Variants in LIN54 observed in about 807,000 individuals in gnomAD.
The protein encoded by LIN54 is protein lin-54 homolog.
In LIN54, 9 loss-of-function variants were observed where a neutral mutation model predicts 78.7. The observed-to-expected ratio is 0.11, with a 90% confidence interval of 0.07 to 0.20. LIN54 has a LOEUF of 0.20. Among genes scored for constraint, LIN54 ranks in the 10% least tolerant of loss-of-function variants. The pLI, the probability that LIN54 is intolerant of heterozygous loss-of-function variation, is 1.00. For missense variants in LIN54, 573 were observed against 889.9 expected, an observed-to-expected ratio of 0.64 and a Z score of 4.53; for synonymous variants, 269 against 318.4, an observed-to-expected ratio of 0.84 and a Z score of 1.65.
chr4:82,964,134 T>C (rs1217136707), intron 4 of LIN54, among the ~76,000 whole-genome samples: 2 of 151,368 alleles, frequency 1.3e-5, no homozygotes, highest in Admixed American at 6.6e-5. Context: ...CACTGCAACC[T>C]CCACCTCCCA....
rs35020887 is a variant in LIN54, at chr4:82,943,861, ATTT to A, written c.1168+2394_1168+2396del. Among the ~76,000 whole-genome samples, 613 of 128,332 alleles carry A rather than the reference ATTT, an allele frequency of 4.8e-3. 3 individuals are homozygous for A. Among genetic ancestry groups the A allele is most frequent in the African/African-American group, 0.02 (562 of 27,772 alleles). 84.2% of individuals were successfully genotyped at this position (128,332 alleles called of 152,430 possible). A position where few individuals can be genotyped will look rare whatever the true frequency, so the allele number is the denominator to read the frequency against. On this transcript the variant is annotated intron_variant, in intron 5 of 12. Coordinates refer to ENST00000340417, the MANE Select transcript of LIN54 (RefSeq NM_194282.4). ...GAAAAGAAGGCACCAGTCAATACTG[ATTT>A]TTTTTTTTTTTTTTTTTTTTTTGAG...
chr4:82,995,553 T>C (rs1728139768), intron 1 of LIN54, among the ~76,000 whole-genome samples: 1 of 139,496 alleles, frequency 7.2e-6, no homozygotes, highest in Admixed American at 8.0e-5. Context: ...TGGAGTGTAG[T>C]GGCACAATCT....
chr4:82,961,482 A>G (rs974085600), intron 4 of LIN54, among the ~76,000 whole-genome samples: 1 of 152,202 alleles, frequency 6.6e-6, no homozygotes, highest in Admixed American at 6.5e-5. Context: ...ATTACCTACC[A>G]TAGGCCAGAC....
At chr4:82,994,813 T>C (rs1728056111) in intron 1 of LIN54, among the ~76,000 whole-genome samples, 1 of 152,112 alleles carries the variant, frequency 6.6e-6, no homozygotes. Flanking sequence ...TTTTAGGGTG[T>C]TAAAATCCCC....
chr4:82,995,776 G>C (rs1728164179), intron 1 of LIN54, among the ~76,000 whole-genome samples: 1 of 151,858 alleles, frequency 6.6e-6, no homozygotes, highest in Admixed American at 6.6e-5. Flanking sequence ...TGGGATTACA[G>C]GCGTCAGCCT....
At chr4:82,995,759 A>T (rs544727798) in intron 1 of LIN54, among the ~76,000 whole-genome samples, 1 of 151,656 alleles carries the variant, frequency 6.6e-6, no homozygotes, top group East Asian at 1.9e-4. Flanking sequence ...TCGGTCTCCC[A>T]AAGTGCTGGG....
intron 5 of LIN54, among the ~76,000 whole-genome samples, chr4:82,944,153 G>A (rs1337191879): frequency 6.6e-6 from 1 of 152,074 alleles, no homozygotes; most frequent in East Asian, 1.9e-4. Flanking sequence ...TTACAGGTGT[G>A]CACCACCATG....
rs540971715 is a variant in LIN54 at position 82,970,454 on chromosome 4, T to C, written c.824A>G (p.Gln275Arg). 2.5e-6 allele frequency: 4 copies of C among 1,610,036 alleles called. No individual in the cohort carries two copies. The African/African-American group carries it at 5.3e-5, about 22-fold the overall frequency. ...PPVIAGRVLS[Q>R]STPGTPSKTI... ...CTTTGATGGAGTTCCGGGAGTAGACTGTGAAAGAACCCTACCTGCAAATGA... is the reference window on the plus strand; with the variant it reads ...CTTTGATGGAGTTCCGGGAGTAGACCGTGAAAGAACCCTACCTGCAAATGA... Residue 275 changes from glutamine to arginine, a missense_variant, in exon 4 of 13, where the codon CAG becomes CGG. Coordinates refer to ENST00000340417, the MANE Select transcript of LIN54 (RefSeq NM_194282.4).
rs954443742 is a variant in LIN54, at chr4:82,925,565, T to C, written c.*2537A>G. ...CATATTCTCATTTCAAAGCAATTTATGTTAGTAATAACTGAGCAAAATGAT... is the reference window on the plus strand; with the variant it reads ...CATATTCTCATTTCAAAGCAATTTACGTTAGTAATAACTGAGCAAAATGAT... On this transcript the variant is annotated 3_prime_UTR_variant, in exon 13 of 13. Transcript: ENST00000340417. 4.6e-5 allele frequency: 7 copies of C among 152,680 alleles called. No homozygotes were observed. The highest frequency in any genetic ancestry group is 8.8e-5 in the Non-Finnish European group (6 of 68,042). 9.5% of individuals were successfully genotyped at this position (152,680 alleles called of 1,614,324 possible). A position where few individuals can be genotyped will look rare whatever the true frequency, so the allele number is the denominator to read the frequency against.
chr4:82,947,216 T>TAC (rs1345998264), intron 4 of LIN54, among the ~76,000 whole-genome samples: 279 of 9,774 alleles, frequency 0.029, 1 homozygote, highest in African/African-American at 0.076. Context: ...TTTATATATA[T>TAC]ATATATATAT....
At chr4:83,009,808 G>C (rs1294364872) in intron 1 of LIN54, among the ~76,000 whole-genome samples, 1 of 152,126 alleles carries the variant, frequency 6.6e-6, no homozygotes, top group African/African-American at 2.4e-5. Flanking sequence ...AGAGCTCCTA[G>C]AGCTGTATTT....
chr4:83,011,959 A>G (rs72927141), upstream of LIN54: 1 of 895,214 alleles, frequency 1.1e-6, no homozygotes, highest in Non-Finnish European at 1.3e-6. Flanking sequence ...CTACTGTCTA[A>G]GTTAGTGTAG....
At chr4:82,946,102 C>T (rs1312537822) in intron 5 of LIN54, among the ~76,000 whole-genome samples, 156 bp downstream of exon 5, 1 of 152,184 alleles carries the variant, frequency 6.6e-6, no homozygotes, top group South Asian at 2.1e-4. Flanking sequence ...TACAGTTATG[C>T]GCAACTATCA....
intron 4 of LIN54, among the ~76,000 whole-genome samples, chr4:82,962,594 G>A (rs1338159479): frequency 4.0e-5 from 6 of 151,640 alleles, no homozygotes; most frequent in Non-Finnish European, 4.4e-5. Context: ...CAGAGAGATG[G>A]GAACTCTAAG....
chr4:82,947,206 T>A (rs1340615105), intron 4 of LIN54, among the ~76,000 whole-genome samples: 7 of 54,902 alleles, frequency 1.3e-4, no homozygotes, highest in East Asian at 4.4e-4. Context: ...CAAAAAAAAA[T>A]TTATATATAT....
intron 3 of LIN54, among the ~76,000 whole-genome samples, chr4:82,975,665 T>A (rs12649662): frequency 0.2 from 29,408 of 150,406 alleles, 3,632 homozygotes; most frequent in East Asian, 0.51. Flanking sequence ...TGAGCCGAGA[T>A]CGCGCCATTG....
intron 3 of LIN54, among the ~76,000 whole-genome samples, chr4:82,971,627 A>C (rs2126072132): frequency 6.6e-6 from 1 of 152,292 alleles, no homozygotes; most frequent in South Asian, 2.1e-4. Context: ...CCAGGCTGTC[A>C]GGTTAAAGGA....
intron 1 of LIN54, among the ~76,000 whole-genome samples, chr4:83,001,500 T>C (rs554712347): frequency 7.9e-5 from 12 of 151,884 alleles, no homozygotes; most frequent in Non-Finnish European, 1.6e-4. Context: ...CGGTGAGCTA[T>C]GATCACACCA....
intron 4 of LIN54, among the ~76,000 whole-genome samples, chr4:82,950,280 C>A (rs1030076836): frequency 8.5e-5 from 13 of 152,270 alleles, no homozygotes; most frequent in Non-Finnish European, 1.8e-4. Context: ...ATATAAAATT[C>A]TTCCATCACC....
Sources: allele counts gnomAD v4.1 joint callset (sites outside exome capture counted in the v4.1 genomes callset), GRCh38; gene constraint gnomAD v4.1.1; transcripts MANE v1.5; gene names NCBI Gene and HGNC (gene_info 2026-07-23, HGNC 2026-07-21).